The following ASH1L variants were observed in gnomAD, a reference collection of about 807,000 sequenced individuals.
The protein encoded by ASH1L is histone-lysine N-methyltransferase ASH1L.
Under a neutral mutation model 269.0 loss-of-function variants are expected in ASH1L, and 23 were observed. That is an observed-to-expected ratio of 0.09 (90% CI 0.06 to 0.12). The LOEUF is 0.12. Among genes scored for constraint, ASH1L ranks in the 10% least tolerant of loss-of-function variants. The pLI is 1.00. For synonymous variants in ASH1L, 1,187 were observed against 1,253.5 expected (o/e 0.95, Z 1.12); for missense variants, 2,912 against 3,567.8 (o/e 0.82, Z 4.68).
intron 15 of ASH1L, among the ~76,000 whole-genome samples, chr1:155,355,032 C>T (rs1654250779): frequency 6.6e-6 from 1 of 152,130 alleles, no homozygotes; most frequent in African/African-American, 2.4e-5. Flanking sequence ...ATGTTAGGTG[C>T]AGTGCTGCCA....
Position 155,478,695 on chromosome 1 carries a change from G to C in ASH1L, c.4175C>G (p.Thr1392Arg). The C allele has an allele frequency of 6.2e-7, 1 of 1,614,050 alleles. No homozygotes were observed. The change falls in exon 3 of 28, where the codon ACA (threonine) becomes AGA (arginine). Residue 1392 changes from threonine to arginine, a missense_variant. Transcript: ENST00000392403. This position sits in a 1 kb window ranked among gnomAD's most constrained non-coding sequence, Gnocchi z 4.6. ...GTAACCTAATCCTATGGGAGCAGCT[G>C]TAAGGGGTGAAGGAGAGTAAGGCAT... is the stretch of plus-strand genomic sequence containing the variant. ...YGMPYSPSPL[T>R]AAPIGLGYYG...
intron 4 of ASH1L, among the ~76,000 whole-genome samples, chr1:155,453,385 T>C (rs909681653): frequency 1.3e-5 from 2 of 152,094 alleles, no homozygotes; most frequent in Non-Finnish European, 2.9e-5. Context: ...GCTAAACGCC[T>C]TTGCAATCTT....
At chr1:155,472,104 A>G (rs976467638) in intron 3 of ASH1L, among the ~76,000 whole-genome samples, 1 of 152,172 alleles carries the variant, frequency 6.6e-6, no homozygotes, top group Non-Finnish European at 1.5e-5. Flanking sequence ...TAGCCTGGCC[A>G]ATACAGTGAA....
chr1:155,343,170 A>G lies in ASH1L; in HGVS notation c.8293+144T>C, dbSNP rs1010454129. Reference sequence around the variant, plus strand: ...CACTGCCATGCCCAGCTACAGAGGCAGAGTTTTGCCACGTTGGCCAGGCTG... The same window carrying G: ...CACTGCCATGCCCAGCTACAGAGGCGGAGTTTTGCCACGTTGGCCAGGCTG... On this transcript the variant is annotated intron_variant, in intron 24 of 27. Coordinates refer to ENST00000392403, the MANE Select transcript of ASH1L (RefSeq NM_018489.3). This position sits in a 1 kb window ranked among gnomAD's most constrained non-coding sequence, Gnocchi z 6.1. 5 of 799,032 alleles carry G rather than the reference A, an allele frequency of 6.3e-6. No individual in the cohort carries two copies. In the African/African-American group the frequency reaches 8.6e-5, roughly 14 times the overall value. The allele number at this position is 799,032 out of a possible 1,614,324, so 49.5% of individuals were successfully genotyped here.
Position 155,562,657 on chromosome 1 carries a change from C to G in ASH1L, c.-604G>C. 1 of 1,524,970 alleles carries G rather than the reference C, an allele frequency of 6.6e-7. No individual in the cohort carries two copies. The highest frequency in any genetic ancestry group is 2.0e-5 in the Admixed American group (1 of 50,590). The allele number at this position is 1,524,970 out of a possible 1,614,324, so 94.5% of individuals were successfully genotyped here. Reference sequence around the variant, plus strand: ...CGCTGGCTGCTCCCACCAACCACCACCTTCGGCCGCCCCGCGCGCCAGCCA... The same window carrying G: ...CGCTGGCTGCTCCCACCAACCACCAGCTTCGGCCGCCCCGCGCGCCAGCCA... On this transcript the variant is annotated 5_prime_UTR_variant, in exon 1 of 28. Coordinates refer to ENST00000392403, the MANE Select transcript of ASH1L (RefSeq NM_018489.3).
rs552378727 is a variant in ASH1L at position 155,476,558 on chromosome 1, T to C, written c.4984+1328A>G. Reference sequence around the variant, plus strand: ...AATACACAAGTCTTTTTTTGTTTTTTGTTTTTTTTTTAAGATGGAGTCTCG... The same window carrying C: ...AATACACAAGTCTTTTTTTGTTTTTCGTTTTTTTTTTAAGATGGAGTCTCG... On this transcript the variant is annotated intron_variant, in intron 3 of 27. Transcript: ENST00000392403. 4.6e-5 allele frequency among the ~76,000 whole-genome samples: 7 copies of C among 151,886 alleles called. No homozygotes were observed. The South Asian group carries it at 1.3e-3, about 27-fold the overall frequency.
intron 5 of ASH1L, among the ~76,000 whole-genome samples, chr1:155,420,648 T>A (rs1297177231): frequency 6.7e-6 from 1 of 149,394 alleles, no homozygotes; most frequent in East Asian, 2.0e-4. Context: ...GTCAGGAGTT[T>A]GAGACCAGCC....
intron 3 of ASH1L, among the ~76,000 whole-genome samples, chr1:155,460,198 A>C (rs1664184728): frequency 6.6e-6 from 1 of 152,250 alleles, no homozygotes; most frequent in Admixed American, 6.5e-5. Context: ...TACTAGCCTA[A>C]AACATTATTT....
rs778309671 is a variant in ASH1L, at chr1:155,438,309, T to C, written c.5828+18A>G. On this transcript the variant is annotated intron_variant, in intron 5 of 27. Transcript: ENST00000392403. The stretch of plus-strand genomic sequence containing the variant: ...GCTAGTTTCCTCTACTCAGATAATA[T>C]GTTAAATGAGGAATTACCTTTTATT... The C allele has an allele frequency of 8.5e-6, 13 of 1,527,698 alleles. No individual in the cohort carries two copies. In the Admixed American group the frequency reaches 1.6e-4, roughly 18 times the overall value. The allele number at this position is 1,527,698 out of a possible 1,614,324, so 94.6% of individuals were successfully genotyped here. A position where few individuals can be genotyped will look rare whatever the true frequency, so the allele number is the denominator to read the frequency against.
chr1:155,396,029 G>C (rs1408589018), intron 6 of ASH1L: 1 of 152,230 alleles, frequency 6.6e-6, no homozygotes, highest in Non-Finnish European at 1.5e-5. Context: ...AGTTGGGAAG[G>C]AGATTTAAGC....
Position 155,343,516 on chromosome 1 carries a change from G to C in ASH1L, c.8121-30C>G. 6.2e-7 allele frequency: 1 copy of C among 1,612,658 alleles called. No individual in the cohort carries two copies. On this transcript the variant is annotated intron_variant, in intron 23 of 27. Transcript: ENST00000392403. This position sits in a 1 kb window ranked among gnomAD's most constrained non-coding sequence, Gnocchi z 6.1. ...AACAATGGAAAAGTGAGAAGGGAGA[G>C]GTTTAGCTGATTAGCAAGATCCTAG... is the stretch of plus-strand genomic sequence containing the variant.
intron 1 of ASH1L, among the ~76,000 whole-genome samples, chr1:155,535,998 C>CAA (rs1476386122): frequency 7.2e-6 from 1 of 139,860 alleles, no homozygotes; most frequent in African/African-American, 2.7e-5. Context: ...AACTCCATCT[C>CAA]AAGAAAAAAA....
intron 4 of ASH1L, among the ~76,000 whole-genome samples, chr1:155,453,420 C>T (rs188284507): frequency 4.6e-5 from 7 of 152,270 alleles, no homozygotes; most frequent in Non-Finnish European, 7.4e-5. Context: ...CACTATACTC[C>T]GTCTCCCTTG....
At chr1:155,375,017 T>C (rs1410123921) in intron 10 of ASH1L, among the ~76,000 whole-genome samples, 1 of 152,090 alleles carries the variant, frequency 6.6e-6, no homozygotes, top group Non-Finnish European at 1.5e-5. Context: ...TTTTGCCATG[T>C]TGCCCAGGCT....
chr1:155,343,235 C>T lies in ASH1L; in HGVS notation c.8293+79G>A, dbSNP rs1652962124. On this transcript the variant is annotated intron_variant, in intron 24 of 27. Transcript: ENST00000392403. The surrounding 1 kb of genome is among the most constrained non-coding windows in gnomAD (Gnocchi z 6.1). Reference sequence around the variant, plus strand: ...GGCTTAAGCAATCTGCCTGCCTCGGCCTCCCACACCGCTGGGATTATCAGC... The same window carrying T: ...GGCTTAAGCAATCTGCCTGCCTCGGTCTCCCACACCGCTGGGATTATCAGC... 4.7e-6 allele frequency: 7 copies of T among 1,491,734 alleles called. No homozygotes were observed. The highest frequency in any genetic ancestry group is 6.3e-6 in the Non-Finnish European group (7 of 1,102,712). The allele number at this position is 1,491,734 out of a possible 1,614,324, so 92.4% of individuals were successfully genotyped here.
rs751265406 is a variant in ASH1L, at chr1:155,481,738, A to G, written c.1132T>C (p.Ser378Pro). 6.2e-7 allele frequency: 1 copy of G among 1,614,192 alleles called. No individual in the cohort carries two copies. The highest frequency in any genetic ancestry group is 1.1e-5 in the South Asian group (1 of 91,084). The change falls in exon 3 of 28, where the codon TCT (serine) becomes CCT (proline). Residue 378 changes from serine to proline, a missense_variant. Transcript: ENST00000392403. ...TCCTTGGCCACTAGGCCAACAGTAG[A>G]ACCCAATTTCTTTCCCAAATCTTTA... is the stretch of plus-strand genomic sequence containing the variant. ...VNKDLGKKLG[S>P]TVGLVAKDCA...
chr1:155,532,891 ATG>A (rs1491058849), intron 1 of ASH1L, among the ~76,000 whole-genome samples: 2 of 142,484 alleles, frequency 1.4e-5, no homozygotes, highest in African/African-American at 2.9e-5. Context: ...GTATATATAT[ATG>A]TATGTATGTA....
chr1:155,395,252 T>G (rs776553628), intron 7 of ASH1L, among the ~76,000 whole-genome samples: 88 of 152,100 alleles, frequency 5.8e-4, no homozygotes, highest in Non-Finnish European at 8.4e-4. Flanking sequence ...TTATTAAGGC[T>G]CCAATGAACA....
At chr1:155,510,584 T>C (rs1344472472) in intron 2 of ASH1L, among the ~76,000 whole-genome samples, 1 of 152,098 alleles carries the variant, frequency 6.6e-6, no homozygotes, top group Admixed American at 6.6e-5. Flanking sequence ...GGAAAGAACA[T>C]GTATGTAGGG....
Sources: allele counts gnomAD v4.1 joint callset (sites outside exome capture counted in the v4.1 genomes callset), GRCh38; gene constraint gnomAD v4.1.1; non-coding constraint Gnocchi (gnomAD v3.1); transcripts MANE v1.5; gene names NCBI Gene and HGNC (gene_info 2026-07-23, HGNC 2026-07-21).